The following ZNF609 variants were observed in gnomAD, a reference collection of about 807,000 sequenced individuals.
The protein encoded by ZNF609 is zinc finger protein 609.
A neutral mutation model predicts 109.5 loss-of-function variants in ZNF609; 11 were observed. That is an observed-to-expected ratio of 0.10 (90% CI 0.06 to 0.17). The LOEUF (loss-of-function observed/expected upper bound fraction) is 0.17. Ranked by LOEUF, ZNF609 falls within the 10% of genes least tolerant of loss-of-function variation. ZNF609 has a pLI of 1.00. For synonymous variants in ZNF609, 646 were observed against 662.0 expected (o/e 0.98, Z 0.37); for missense variants, 1,559 against 1,772.4 (o/e 0.88, Z 2.16).
intron 2 of ZNF609, 44 bp from the exon 3 acceptor site, chr15:64,622,783 T>C (rs1054741453): frequency 6.6e-7 from 1 of 1,522,670 alleles, no homozygotes; most frequent in Non-Finnish European, 9.1e-7. Flanking sequence ...TTCCTCTAAA[T>C]GTTCTCCCTG....
intron 2 of ZNF609, among the ~76,000 whole-genome samples, chr15:64,544,546 T>G (rs1393502943): frequency 6.6e-6 from 1 of 152,182 alleles, no homozygotes; most frequent in Admixed American, 6.6e-5. Context: ...ACAAATGATG[T>G]TGAGGTTAGT....
intron 2 of ZNF609, among the ~76,000 whole-genome samples, chr15:64,577,085 C>CAT (rs1293772269): frequency 5.4e-5 from 3 of 55,718 alleles, no homozygotes; most frequent in Non-Finnish European, 1.3e-4. Context: ...CAAATATATA[C>CAT]ATATATGTAT....
At chr15:64,484,970 T>C (rs1893312606) in intron 1 of ZNF609, among the ~76,000 whole-genome samples, 1 of 152,012 alleles carries the variant, frequency 6.6e-6, no homozygotes, top group Non-Finnish European at 1.5e-5. Flanking sequence ...AGACTCCGTC[T>C]CAAAAAAAAA....
intron 1 of ZNF609, chr15:64,471,184 G>A (rs1297121769): frequency 6.6e-6 from 1 of 151,978 alleles, no homozygotes; most frequent in African/African-American, 2.4e-5. Flanking sequence ...CATGGTGAAA[G>A]CCCGTCTCTA....
At chr15:64,660,038 T>C (rs1251660017) in intron 3 of ZNF609, among the ~76,000 whole-genome samples, 1 of 152,130 alleles carries the variant, frequency 6.6e-6, no homozygotes, top group African/African-American at 2.4e-5. Context: ...TTTCGCCATG[T>C]TGGCCAGGCT....
chr15:64,587,485 T>G (rs185846218), intron 2 of ZNF609, among the ~76,000 whole-genome samples: 64 of 152,326 alleles, frequency 4.2e-4, no homozygotes, highest in African/African-American at 1.4e-3. Context: ...TAAAAAGGGA[T>G]GAAACATCAA....
chr15:64,539,594 C>T (rs1894214834), intron 2 of ZNF609, among the ~76,000 whole-genome samples: 1 of 152,262 alleles, frequency 6.6e-6, no homozygotes, highest in South Asian at 2.1e-4. Flanking sequence ...ACCTCCGACT[C>T]CCCGGTTCAA....
At chr15:64,529,732 G>A in intron 2 of ZNF609, 2 of 616,490 alleles carry the variant, frequency 3.2e-6, no homozygotes, top group South Asian at 1.6e-5. Flanking sequence ...CGAACAGGAG[G>A]AGCAGAGACT....
intron 3 of ZNF609, among the ~76,000 whole-genome samples, chr15:64,662,608 A>G (rs1027959912): frequency 9.2e-5 from 14 of 152,216 alleles, no homozygotes; most frequent in Non-Finnish European, 1.6e-4. Flanking sequence ...TACAGGCATG[A>G]GCCACCATGC....
At chr15:64,589,071 A>G (rs1174992092) in intron 2 of ZNF609, among the ~76,000 whole-genome samples, 1 of 152,180 alleles carries the variant, frequency 6.6e-6, no homozygotes. Flanking sequence ...TGCTCAAATG[A>G]ACACTAGCTA....
intron 1 of ZNF609, among the ~76,000 whole-genome samples, chr15:64,494,196 T>C (rs1291132911): frequency 6.6e-6 from 1 of 152,162 alleles, no homozygotes; most frequent in African/African-American, 2.4e-5. Context: ...ATTCAGAAAT[T>C]TTGGAGTAGC....
chr15:64,473,120 A>G (rs934340866), intron 1 of ZNF609, among the ~76,000 whole-genome samples: 5 of 148,160 alleles, frequency 3.4e-5, no homozygotes, highest in South Asian at 4.2e-4. Flanking sequence ...AAACCCGCCT[A>G]TGCTTTTCTC....
intron 6 of ZNF609, among the ~76,000 whole-genome samples, chr15:64,679,327 C>A (rs990953620): frequency 1.2e-4 from 18 of 152,210 alleles, no homozygotes; most frequent in Non-Finnish European, 2.9e-5. Context: ...CTGCCTTGGC[C>A]TCCCAAAGTG....
intron 3 of ZNF609, among the ~76,000 whole-genome samples, chr15:64,669,976 A>G (rs187239128): frequency 1.3e-5 from 2 of 152,206 alleles, no homozygotes; most frequent in South Asian, 2.1e-4. Context: ...CCAAAAAAAA[A>G]TTTTTTTAAT....
chr15:64,517,913 A>G (rs546966937), intron 2 of ZNF609, among the ~76,000 whole-genome samples: 1 of 151,824 alleles, frequency 6.6e-6, no homozygotes, highest in East Asian at 1.9e-4. Flanking sequence ...CCAAGTATCT[A>G]GGACTACAGG....
intron 2 of ZNF609, among the ~76,000 whole-genome samples, chr15:64,551,128 C>T (rs1386018603): frequency 6.6e-6 from 1 of 151,976 alleles, no homozygotes; most frequent in African/African-American, 2.4e-5. Context: ...CTATGTTGCC[C>T]AGGCTGGACT....
rs1011096674 is a variant in ZNF609, at chr15:64,563,866, G to A, written c.748-58961G>A. Among the ~76,000 whole-genome samples the A allele has an allele frequency of 2.6e-5, 4 of 152,086 alleles. No homozygotes were observed. In the South Asian group the frequency reaches 6.2e-4, roughly 24 times the overall value. Reference sequence around the variant, plus strand: ...CTCCCAAAGTGGTGGGATTACAGGCGTGAGTCGCCGTGCCCGGCCTATTTA... The same window carrying A: ...CTCCCAAAGTGGTGGGATTACAGGCATGAGTCGCCGTGCCCGGCCTATTTA... On this transcript the variant is annotated intron_variant, in intron 2 of 9. Transcript: ENST00000326648.
intron 2 of ZNF609, among the ~76,000 whole-genome samples, chr15:64,536,739 A>C (rs1283468078): frequency 6.7e-6 from 1 of 149,972 alleles, no homozygotes; most frequent in African/African-American, 2.5e-5. Flanking sequence ...CCCCCCAAAA[A>C]AAAAATTAGC....
intron 3 of ZNF609, among the ~76,000 whole-genome samples, chr15:64,645,512 A>G (rs1484645035): frequency 6.6e-6 from 1 of 152,136 alleles, no homozygotes; most frequent in Non-Finnish European, 1.5e-5. Flanking sequence ...CACCAAAAGC[A>G]CAAGCCAGCA....
Sources: allele counts gnomAD v4.1 joint callset (sites outside exome capture counted in the v4.1 genomes callset), GRCh38; gene constraint gnomAD v4.1.1; transcripts MANE v1.5; gene names NCBI Gene and HGNC (gene_info 2026-07-23, HGNC 2026-07-21).